The following TMEM134 variants were observed in gnomAD, a reference collection of about 807,000 sequenced individuals.
The protein encoded by TMEM134 is transmembrane protein 134.
Under a neutral mutation model 26.2 loss-of-function variants are expected in TMEM134, and 36 were observed. The observed-to-expected ratio is 1.37, with a 90% CI of 1.05 to 1.81. The LOEUF (loss-of-function observed/expected upper bound fraction) is 1.81. Ranked by LOEUF, TMEM134 falls within the 40% of genes most tolerant of loss-of-function variation. The probability of loss-of-function intolerance (pLI) is 0.00; values close to 1 mark genes in which losing one functional copy is unlikely to be tolerated. For synonymous variants in TMEM134, 133 were observed against 113.6 expected (o/e 1.17, Z -1.08); for missense variants, 339 against 263.5 (o/e 1.29, Z -1.98).
intron 1 of TMEM134, among the ~76,000 whole-genome samples, chr11:67,468,401 G>C (rs1416163759): frequency 6.6e-6 from 1 of 152,208 alleles, no homozygotes; most frequent in Non-Finnish European, 1.5e-5. Flanking sequence ...GGGGTGCCAG[G>C]AAAGGCCAGG....
Position 67,467,590 on chromosome 11 carries a change from C to T in TMEM134, c.240G>A (p.Arg80=). The stretch of plus-strand genomic sequence containing the variant: ...TGCGGATGGAAGTTCGGCTGGAATC[C>T]CTGCCAGGACAGGCGCCCAGTGAGG... ...SPEPDGGVGT[R]DSSRTSIRSS... Residue 80 remains arginine, a splice_region_variant and synonymous_variant, in exon 3 of 7, where the codon AGG becomes AGA. Coordinates refer to ENST00000308022, the MANE Select transcript of TMEM134 (RefSeq NM_025124.4). The T allele has an allele frequency of 6.2e-7, 1 of 1,613,848 alleles. No homozygotes were observed. The highest frequency in any genetic ancestry group is 1.1e-5 in the South Asian group (1 of 91,066).
intron 4 of TMEM134, among the ~76,000 whole-genome samples, chr11:67,465,618 T>C (rs565938057): frequency 2.6e-5 from 4 of 152,222 alleles, no homozygotes; most frequent in African/African-American, 7.2e-5. Context: ...GCTTTGTGCA[T>C]TGCCCAGACT....
chr11:67,466,782 C>G (rs1340790304), intron 4 of TMEM134: 1 of 166,120 alleles, frequency 6.0e-6, no homozygotes, highest in Non-Finnish European at 1.3e-5. Flanking sequence ...TCTGCCTGCT[C>G]TGGACCAAAA....
chr11:67,468,224 C>G, intron 1 of TMEM134, 132 bp from the exon 2 acceptor site: 1 of 795,998 alleles, frequency 1.3e-6, no homozygotes, highest in South Asian at 1.6e-5. Flanking sequence ...GCCCTCTGCC[C>G]TCCCCGCAGA....
chr11:67,467,660 T>C, intron 2 of TMEM134, 70 bp from the exon 3 acceptor site: 1 of 1,469,648 alleles, frequency 6.8e-7, no homozygotes, highest in South Asian at 1.1e-5. Flanking sequence ...GGAGTCCTGA[T>C]GAAGTGCAGG....
intron 4 of TMEM134, 54 bp downstream of exon 4, chr11:67,467,258 A>T: frequency 6.5e-7 from 1 of 1,547,588 alleles, no homozygotes; most frequent in Non-Finnish European, 8.9e-7. Context: ...GTACAAAAGG[A>T]GGGCAGAGCC....
At chr11:67,468,194 G>T in intron 1 of TMEM134, 102 bp from the exon 2 acceptor site, 1 of 1,107,826 alleles carries the variant, frequency 9.0e-7, no homozygotes, top group African/African-American at 1.6e-5. Flanking sequence ...TTGCCTGGCC[G>T]CCTGGCAGCT....
At chr11:67,467,443 G>A in intron 3 of TMEM134, 55 bp from the exon 4 acceptor site, 1 of 1,612,730 alleles carries the variant, frequency 6.2e-7, no homozygotes, top group Non-Finnish European at 8.5e-7. Flanking sequence ...GGGGGTGCAG[G>A]AGGCTGTGGG....
At chr11:67,465,968 A>G (rs1865220812) in intron 4 of TMEM134, 2 of 152,184 alleles carry the variant, frequency 1.3e-5, no homozygotes, top group African/African-American at 4.8e-5. Context: ...AGTCCCAGCT[A>G]CTAGGGAGGC....
intron 4 of TMEM134, 165 bp from the exon 5 acceptor site, chr11:67,465,265 G>GC (rs1316927872): frequency 6.8e-7 from 1 of 1,462,710 alleles, no homozygotes; most frequent in East Asian, 2.6e-5. Flanking sequence ...CACTGAGCAG[G>GC]CCCTGGGAAG....
At chr11:67,464,750 C>T in intron 6 of TMEM134, 53 bp downstream of exon 6, 1 of 1,550,088 alleles carries the variant, frequency 6.5e-7, no homozygotes, top group Non-Finnish European at 8.7e-7. Flanking sequence ...GCAACACCGC[C>T]CCCAGTGCCG....
chr11:67,468,094 TGTTGC>T lies in TMEM134; in HGVS notation c.175-7_175-3del. The T allele has an allele frequency of 6.4e-7, 1 of 1,561,860 alleles. No individual in the cohort carries two copies. Among genetic ancestry groups the T allele is most frequent in the Admixed American group, 1.9e-5 (1 of 52,374 alleles). On this transcript the variant is annotated splice_polypyrimidine_tract_variant and splice_region_variant and intron_variant, in intron 1 of 6. Coordinates refer to ENST00000308022, the MANE Select transcript of TMEM134 (RefSeq NM_025124.4). The stretch of plus-strand genomic sequence containing the variant: ...TCCATCCTCATCGTTCTCCAGGTTC[TGTTGC>T]AGAACACAGGTCTCAGGGGGGTTGC...
At position 67,464,805 on chromosome 11, in the gene TMEM134, C is replaced by A; in HGVS notation, c.503G>T (p.Gly168Val). The change falls in exon 6 of 7, where the codon GGA becomes GTA. Residue 168 changes from glycine to valine, a missense_variant and splice_region_variant. Gly to Val is a moderately radical substitution (Grantham distance 109, BLOSUM62 -3). Coordinates refer to ENST00000308022, the MANE Select transcript of TMEM134 (RefSeq NM_025124.4). ...TCCGCCCCGGTGCCCGCTCGCACCT[C>A]CAGGCACCAACAACAGGAAGCCCGG... The part of the protein sequence containing the change: ...FVPGFLLLVP[G>V]VYHVIFIYCA... 1 of 1,608,376 alleles carries A rather than the reference C, an allele frequency of 6.2e-7. No individual in the cohort carries two copies. Among genetic ancestry groups the A allele is most frequent in the Non-Finnish European group, 8.5e-7 (1 of 1,178,868 alleles).
rs948857185 is a variant in TMEM134, at chr11:67,469,207, C to G, written c.-15G>C. 21 of 1,269,356 alleles carry G rather than the reference C, an allele frequency of 1.7e-5. No homozygotes were observed. The highest frequency in any genetic ancestry group is 9.4e-5 in the East Asian group (3 of 31,776). 78.6% of individuals were successfully genotyped at this position (1,269,356 alleles called of 1,614,324 possible). A position where few individuals can be genotyped will look rare whatever the true frequency, so the allele number is the denominator to read the frequency against. On this transcript the variant is annotated 5_prime_UTR_variant, in exon 1 of 7. An upstream open reading frame in the 5' UTR loses its in-frame stop. Transcript: ENST00000308022. Reference sequence around the variant, plus strand: ...GCGGCGCTCATGGCCCCGGCCCGCTCAGGCGCCGTGCGCCGCCGCCATCTG... The same window carrying G: ...GCGGCGCTCATGGCCCCGGCCCGCTGAGGCGCCGTGCGCCGCCGCCATCTG...
rs1429040575 is a variant in TMEM134 at position 67,469,198 on chromosome 11, C to G, written c.-6G>C. On this transcript the variant is annotated 5_prime_UTR_variant, in exon 1 of 7. Coordinates refer to ENST00000308022, the MANE Select transcript of TMEM134 (RefSeq NM_025124.4). ...TGGGGCCGGGCGGCGCTCATGGCCCCGGCCCGCTCAGGCGCCGTGCGCCGC... is the reference window on the plus strand; with the variant it reads ...TGGGGCCGGGCGGCGCTCATGGCCCGGGCCCGCTCAGGCGCCGTGCGCCGC... The G allele has an allele frequency of 1.3e-5, 17 of 1,292,520 alleles. No individual in the cohort carries two copies. The highest frequency in any genetic ancestry group is 4.6e-5 in the South Asian group (2 of 43,624). The allele number at this position is 1,292,520 out of a possible 1,614,324, so 80.1% of individuals were successfully genotyped here.
chr11:67,467,041 G>A (rs1270853505), intron 4 of TMEM134: 2 of 541,116 alleles, frequency 3.7e-6, no homozygotes, highest in Admixed American at 6.7e-5. Flanking sequence ...GTCCTCTAAT[G>A]GATTTAAACA....
Position 67,464,716 on chromosome 11 carries a change from A to C in TMEM134, c.506-20T>G, listed in dbSNP as rs1865129932. ...GATAGACTGCGGGGCGGGGCCTGTC[A>C]GCGCAGAAGCCCCGCCCCTCCCCGC... On this transcript the variant is annotated intron_variant, in intron 6 of 6. Transcript: ENST00000308022. The C allele has an allele frequency of 6.4e-7, 1 of 1,550,902 alleles. No individual in the cohort carries two copies. Among genetic ancestry groups the C allele is most frequent in the Non-Finnish European group, 8.7e-7 (1 of 1,147,058 alleles).
chr11:67,468,897 G>T, intron 1 of TMEM134, 122 bp downstream of exon 1: 1 of 990,910 alleles, frequency 1.0e-6, no homozygotes, highest in Non-Finnish European at 1.3e-6. Context: ...CGGGGCGGGG[G>T]GGCGGTCTCG....
At chr11:67,464,756 T>C (rs749756078) in intron 6 of TMEM134, 47 bp downstream of exon 6, 13 of 1,539,230 alleles carry the variant, frequency 8.4e-6, no homozygotes, top group Non-Finnish European at 1.1e-5. Flanking sequence ...CCGCCCCCAG[T>C]GCCGCCCCAC....
Sources: gnomAD v4.1 joint callset for allele counts (sites outside exome capture counted in the v4.1 genomes callset) on GRCh38, gnomAD v4.1.1 for gene constraint, MANE v1.5 for transcripts, NCBI Gene and HGNC (gene_info 2026-07-23, HGNC 2026-07-21) for gene names.